KANK1: variants seen among roughly 807,000 people sequenced by gnomAD.
KANK1 encodes the protein KN motif and ankyrin repeat domains 1.
A neutral mutation model predicts 106.2 loss-of-function variants in KANK1; 109 were observed. The ratio of observed to expected loss-of-function variants is 1.03; its 90% confidence interval spans 0.88 to 1.20. The LOEUF is 1.20. KANK1 is among the 50% of genes most tolerant of loss of function. The probability of loss-of-function intolerance (pLI) is 0.00; values close to 1 mark genes in which losing one functional copy is unlikely to be tolerated. For synonymous variants in KANK1, 873 were observed against 652.2 expected (o/e 1.34, Z -5.16); for missense variants, 2,399 against 1,710.7 (o/e 1.40, Z -7.10).
chr9:557,977 C>T (rs754803059), intron 1 of KANK1, among the ~76,000 whole-genome samples: 4 of 148,020 alleles, frequency 2.7e-5, no homozygotes, highest in Non-Finnish European at 4.5e-5. Flanking sequence ...TGCATTCCAT[C>T]CTGGGTGACA....
chr9:571,935 G>A (rs1031255365), intron 1 of KANK1, among the ~76,000 whole-genome samples: 7 of 152,164 alleles, frequency 4.6e-5, no homozygotes, highest in Admixed American at 3.9e-4. Flanking sequence ...TTCACCAGGT[G>A]ATAGTATTCC....
intron 2 of KANK1, among the ~76,000 whole-genome samples, chr9:698,322 G>C (rs1427555717): frequency 1.3e-5 from 2 of 152,094 alleles, no homozygotes; most frequent in Admixed American, 6.6e-5. Context: ...TGCTAAATCA[G>C]AACCTGGATT....
chr9:562,695 TA>T (rs1282068406), intron 1 of KANK1, among the ~76,000 whole-genome samples: 3 of 152,200 alleles, frequency 2.0e-5, no homozygotes, highest in Non-Finnish European at 4.4e-5. Flanking sequence ...TTCTAACCTG[TA>T]AAATGCTTTA....
chr9:648,160 C>T (rs569556396), intron 1 of KANK1, among the ~76,000 whole-genome samples: 1 of 147,950 alleles, frequency 6.8e-6, no homozygotes, highest in South Asian at 2.1e-4. Flanking sequence ...CACACCACCA[C>T]GCCTGGGTAA....
intron 3 of KANK1, among the ~76,000 whole-genome samples, chr9:477,039 C>G (rs926893150): frequency 6.6e-6 from 1 of 152,142 alleles, no homozygotes; most frequent in Non-Finnish European, 1.5e-5. Context: ...AGTTTAAAAG[C>G]ACATTTGTCT....
At position 558,131 on chromosome 9, in the gene KANK1, G is replaced by A. The variant is rs1162600887; in HGVS notation, c.-84+53377G>A. Reference sequence around the variant, plus strand: ...CAGTGTAGAATGGGCAGGCACCTTTGAAAAGGCTAGAGGAAAATTTTGGAA... The same window carrying A: ...CAGTGTAGAATGGGCAGGCACCTTTAAAAAGGCTAGAGGAAAATTTTGGAA... On this transcript the variant is annotated intron_variant, in intron 1 of 11. Transcript: ENST00000382297. Among the ~76,000 whole-genome samples, 5 of 152,178 alleles carry A rather than the reference G, an allele frequency of 3.3e-5. No homozygotes were observed. The East Asian group carries it at 9.6e-4, about 29-fold the overall frequency.
At chr9:739,103 T>C (rs1238734834) in intron 8 of KANK1, among the ~76,000 whole-genome samples, 1 of 152,208 alleles carries the variant, frequency 6.6e-6, no homozygotes, top group African/African-American at 2.4e-5. Context: ...AGAAACTTGT[T>C]ATCCCAGAAT....
In KANK1 at chr9:745,639, C is replaced by T. The variant is rs1836987167; in HGVS notation, c.*404C>T. On this transcript the variant is annotated 3_prime_UTR_variant, in exon 12 of 12. Coordinates refer to ENST00000382297, the MANE Select transcript of KANK1 (RefSeq NM_015158.5). Reference sequence around the variant, plus strand: ...AACCATTAGAAAGTTCTTCCAAAATCTCATTCCAGCATAGTTTTGGATTTT... The same window carrying T: ...AACCATTAGAAAGTTCTTCCAAAATTTCATTCCAGCATAGTTTTGGATTTT... 1 of 153,786 alleles carries T rather than the reference C, an allele frequency of 6.5e-6. No individual in the cohort carries two copies. The highest frequency in any genetic ancestry group is 1.4e-5 in the Non-Finnish European group (1 of 69,174). 9.5% of individuals were successfully genotyped at this position (153,786 alleles called of 1,614,324 possible). A position where few individuals can be genotyped will look rare whatever the true frequency, so the allele number is the denominator to read the frequency against.
At chr9:518,004 C>G (rs2059367362) in intron 1 of KANK1, among the ~76,000 whole-genome samples, 1 of 151,588 alleles carries the variant, frequency 6.6e-6, no homozygotes, top group South Asian at 2.1e-4. Context: ...TTCCAGAGTG[C>G]TGGGATTACA....
Position 740,922 on chromosome 9 carries a change from C to G in KANK1, c.3684C>G (p.Ala1228=), listed in dbSNP as rs1458233572. Residue 1228 remains alanine (A), a synonymous_variant, in exon 9 of 12, where the codon GCC becomes GCG. Transcript: ENST00000382297. ...EELFGCGDVN[A]KASQAGQTAL... ...TCTTCGGCTGTGGGGATGTGAATGC[C>G]AAAGCTAGTCAGGTTAGTGCGCCTG... The G allele has an allele frequency of 6.2e-7, 1 of 1,614,154 alleles. No individual in the cohort carries two copies. Among genetic ancestry groups the G allele is most frequent in the Non-Finnish European group, 8.5e-7 (1 of 1,180,022 alleles).
chr9:710,088 T>G (rs530705443), intron 2 of KANK1, among the ~76,000 whole-genome samples: 1 of 151,962 alleles, frequency 6.6e-6, no homozygotes, highest in African/African-American at 2.4e-5. Flanking sequence ...GGTTGAAAAA[T>G]TACCTATTGA....
intron 1 of KANK1, among the ~76,000 whole-genome samples, chr9:514,544 G>A (rs2059197920): frequency 6.6e-6 from 1 of 150,996 alleles, no homozygotes; most frequent in Admixed American, 6.6e-5. Context: ...TGAACTTTAT[G>A]TACCTGAGAT....
At chr9:674,209 T>G (rs1401164337) in intron 1 of KANK1, 1 of 152,092 alleles carries the variant, frequency 6.6e-6, no homozygotes, top group Non-Finnish European at 1.5e-5. Context: ...GTCAGGTGAT[T>G]ACCCCTTCAT....
At chr9:575,933 A>G (rs1256929787) in intron 1 of KANK1, among the ~76,000 whole-genome samples, 1 of 152,162 alleles carries the variant, frequency 6.6e-6, no homozygotes, top group African/African-American at 2.4e-5. Flanking sequence ...TGAGGCAGGA[A>G]GATCGCTTGA....
chr9:505,897 G>T (rs2058735331), intron 1 of KANK1, among the ~76,000 whole-genome samples: 1 of 152,122 alleles, frequency 6.6e-6, no homozygotes, highest in Non-Finnish European at 1.5e-5. Context: ...TTGAATTCCT[G>T]AGTTTATTCA....
intron 1 of KANK1, among the ~76,000 whole-genome samples, chr9:662,942 G>A (rs1349633072): frequency 1.3e-5 from 2 of 152,096 alleles, no homozygotes; most frequent in Admixed American, 6.5e-5. Context: ...GATTACAGGC[G>A]TGAGCCACCA....
intron 1 of KANK1, among the ~76,000 whole-genome samples, chr9:518,263 C>G (rs2059382238): frequency 1.3e-5 from 2 of 151,812 alleles, no homozygotes; most frequent in Non-Finnish European, 2.9e-5. Flanking sequence ...GATAACTGTG[C>G]TTACCTGTTG....
chr9:582,796 ATATT>A (rs1185777455), intron 1 of KANK1, among the ~76,000 whole-genome samples: 2 of 152,334 alleles, frequency 1.3e-5, no homozygotes, highest in Non-Finnish European at 2.9e-5. Flanking sequence ...TGTACATAAA[ATATT>A]TATACAGCAC....
At chr9:635,227 A>T (rs1237154890) in intron 1 of KANK1, among the ~76,000 whole-genome samples, 1 of 151,902 alleles carries the variant, frequency 6.6e-6, no homozygotes, top group Admixed American at 6.6e-5. Flanking sequence ...CCTGCCTACC[A>T]CCAAACCTGC....
Sources: gnomAD v4.1 joint callset for allele counts (sites outside exome capture counted in the v4.1 genomes callset) on GRCh38, gnomAD v4.1.1 for gene constraint, MANE v1.5 for transcripts, NCBI Gene and HGNC (gene_info 2026-07-23, HGNC 2026-07-21) for gene names.